The following OC90 variants were observed in gnomAD, a reference collection of about 807,000 sequenced individuals.
The protein encoded by OC90 is otoconin-90.
In OC90, 46 loss-of-function variants were observed where a neutral mutation model predicts 47.3. That is an observed-to-expected ratio of 0.97 (90% confidence interval 0.77 to 1.24). OC90 has a LOEUF of 1.24. Ranked by LOEUF, OC90 falls within the 50% of genes most tolerant of loss-of-function variation. The probability of loss-of-function intolerance (pLI) is 0.00; values close to 1 mark genes in which losing one functional copy is unlikely to be tolerated. For synonymous variants in OC90, 271 were observed against 219.5 expected, an observed-to-expected ratio of 1.23 and a Z score of -2.07; for missense variants, 688 against 583.9, an observed-to-expected ratio of 1.18 and a Z score of -1.84.
At chr8:132,051,760 T>C (rs1260962504) in intron 2 of OC90, among the ~76,000 whole-genome samples, 2 of 152,100 alleles carry the variant, frequency 1.3e-5, no homozygotes, top group Admixed American at 6.5e-5. Flanking sequence ...TGTAAACAAG[T>C]AGCAGTCCAA....
chr8:132,039,466 T>A (rs1309763684), intron 6 of OC90, among the ~76,000 whole-genome samples: 2 of 152,102 alleles, frequency 1.3e-5, no homozygotes, highest in Non-Finnish European at 2.9e-5. Context: ...TGCCCCCAGC[T>A]TCTACCCTGC....
intron 11 of OC90, among the ~76,000 whole-genome samples, chr8:132,032,776 C>A (rs1822894378): frequency 6.6e-6 from 1 of 152,184 alleles, no homozygotes; most frequent in Non-Finnish European, 1.5e-5. Context: ...TCCCTCTGGG[C>A]CAGTAAAAGT....
chr8:132,033,450 T>G (rs575563424), intron 10 of OC90, among the ~76,000 whole-genome samples: 1 of 152,298 alleles, frequency 6.6e-6, no homozygotes, highest in East Asian at 1.9e-4. Context: ...TGTGTCATGT[T>G]TAGTATCACA....
chr8:132,051,769 A>G (rs1238395156), intron 2 of OC90, among the ~76,000 whole-genome samples: 3 of 152,206 alleles, frequency 2.0e-5, no homozygotes, highest in Non-Finnish European at 4.4e-5. Flanking sequence ...GTAGCAGTCC[A>G]ATGCTGGGAA....
At chr8:132,028,567 G>GAAAGAAAGAAAGA (rs1157447594) in intron 13 of OC90, among the ~76,000 whole-genome samples, 118 of 12,924 alleles carry the variant, frequency 9.1e-3, no homozygotes, top group African/African-American at 0.018. Context: ...AGAAAGAAAG[G>GAAAGAAAGAAAGA]AAGGAAGGAA....
At chr8:132,042,741 G>A (rs976724399) in intron 4 of OC90, among the ~76,000 whole-genome samples, 2 of 152,084 alleles carry the variant, frequency 1.3e-5, no homozygotes, top group Non-Finnish European at 2.9e-5. Context: ...CAGTCAAAAT[G>A]GTGATTATTA....
intron 13 of OC90, among the ~76,000 whole-genome samples, chr8:132,025,504 G>T (rs1685057714): frequency 6.6e-6 from 1 of 152,152 alleles, no homozygotes; most frequent in South Asian, 2.1e-4. Flanking sequence ...ACTTCAACCA[G>T]CAAAGGGTGC....
At position 132,039,102 on chromosome 8, in the gene OC90, T is replaced by G. The variant is rs747590897; in HGVS notation, c.479A>C (p.His160Pro). 5 of 1,610,754 alleles carry G rather than the reference T, an allele frequency of 3.1e-6. No individual in the cohort carries two copies. Among genetic ancestry groups the G allele is most frequent in the Admixed American group, 3.4e-5 (2 of 59,492 alleles). Residue 160 changes from histidine to proline, a missense_variant, in exon 7 of 14, where the codon CAC (histidine) becomes CCC (proline). Coordinates refer to ENST00000254627, the MANE Select transcript of OC90 (RefSeq NM_001080399.3). ...AGCCTTATCACAGGTACACAGCAGGTGCTCACAGTTGTCCTTGGACTCTGC... is the reference window on the plus strand; with the variant it reads ...AGCCTTATCACAGGTACACAGCAGGGGCTCACAGTTGTCCTTGGACTCTGC... The part of the protein sequence containing the change: ...IICESKDNCE[H>P]LLCTCDKAAI...
chr8:132,028,683 A>C (rs1309115457), intron 13 of OC90, among the ~76,000 whole-genome samples: 1 of 74,728 alleles, frequency 1.3e-5, no homozygotes, highest in Non-Finnish European at 2.8e-5. Flanking sequence ...AGAAAGAAAG[A>C]AAGAGAAAGA....
At chr8:132,028,000 C>T (rs1822783614) in intron 13 of OC90, among the ~76,000 whole-genome samples, 1 of 152,128 alleles carries the variant, frequency 6.6e-6, no homozygotes, top group South Asian at 2.1e-4. Context: ...GCCTTACCTG[C>T]TAAATGGGAA....
chr8:132,039,627 T>C (rs1823024341), intron 6 of OC90, among the ~76,000 whole-genome samples: 1 of 152,158 alleles, frequency 6.6e-6, no homozygotes. Context: ...ATTGCTCCCC[T>C]GACCCACGAC....
intron 2 of OC90, among the ~76,000 whole-genome samples, chr8:132,053,063 C>T (rs1371857174): frequency 6.6e-6 from 1 of 152,088 alleles, no homozygotes; most frequent in African/African-American, 2.4e-5. Flanking sequence ...TTGTACTGCA[C>T]CCTGGGGCCT....
At chr8:132,038,176 A>G (rs1453754061) in intron 8 of OC90, among the ~76,000 whole-genome samples, 5 of 152,176 alleles carry the variant, frequency 3.3e-5, no homozygotes, top group Admixed American at 6.5e-5. Flanking sequence ...CCTGACTCCC[A>G]TTTTTGGCAA....
chr8:132,028,700 G>GAA (rs1472270380), intron 13 of OC90, among the ~76,000 whole-genome samples: 4,197 of 124,516 alleles, frequency 0.034, 267 homozygotes, highest in African/African-American at 0.11. Context: ...AAGAAAGAAA[G>GAA]AGAGACAGAA....
intron 2 of OC90, among the ~76,000 whole-genome samples, chr8:132,049,625 A>C (rs1299712934): frequency 6.6e-6 from 1 of 152,218 alleles, no homozygotes; most frequent in Admixed American, 6.5e-5. Flanking sequence ...GTTCTCTCAG[A>C]ACATGGATAG....
intron 13 of OC90, among the ~76,000 whole-genome samples, chr8:132,028,179 G>A (rs1822786246): frequency 6.6e-6 from 1 of 152,138 alleles, no homozygotes; most frequent in African/African-American, 2.4e-5. Context: ...CTCATCAGTG[G>A]AAGAGGTATG....
intron 11 of OC90, among the ~76,000 whole-genome samples, chr8:132,032,837 G>C (rs1267492223): frequency 6.6e-6 from 1 of 152,128 alleles, no homozygotes; most frequent in African/African-American, 2.4e-5. Flanking sequence ...CTCCCCCCAG[G>C]CTCAGCCTCC....
chr8:132,038,941 C>G, intron 7 of OC90, 54 bp downstream of exon 7: 1 of 1,613,358 alleles, frequency 6.2e-7, no homozygotes. Context: ...GATCCCAAAC[C>G]AGCTGCTGTC....
At chr8:132,025,209 G>T (rs1822739334) in intron 13 of OC90, among the ~76,000 whole-genome samples, 2 of 152,236 alleles carry the variant, frequency 1.3e-5, no homozygotes, top group African/African-American at 4.8e-5. Context: ...TATGAGCAGG[G>T]CAGGATAGGG....
Sources: allele counts gnomAD v4.1 joint callset (sites outside exome capture counted in the v4.1 genomes callset), GRCh38; gene constraint gnomAD v4.1.1; transcripts MANE v1.5; gene names NCBI Gene and HGNC (gene_info 2026-07-23, HGNC 2026-07-21).